The following UBE2E2 variants were observed in gnomAD, a reference collection of about 807,000 sequenced individuals.
UBE2E2 encodes the protein ubiquitin-conjugating enzyme E2 E2.
Under a neutral mutation model 24.7 loss-of-function variants are expected in UBE2E2, and 6 were observed. The observed-to-expected ratio is 0.24, with a 90% confidence interval of 0.13 to 0.48. The LOEUF is 0.48. Among genes scored for constraint, UBE2E2 ranks in the 20% least tolerant of loss-of-function variants. The pLI, the probability that UBE2E2 is intolerant of heterozygous loss-of-function variation, is 0.99. For missense variants in UBE2E2, 169 were observed against 245.0 expected (o/e 0.69, Z 2.07); for synonymous variants, 104 against 83.6 (o/e 1.24, Z -1.33).
chr3:23,283,447 T>A (rs1209884165), intron 3 of UBE2E2, among the ~76,000 whole-genome samples: 1 of 152,110 alleles, frequency 6.6e-6, no homozygotes, highest in Non-Finnish European at 1.5e-5. Flanking sequence ...AGGTCGGTGG[T>A]TCTCTGACCA....
intron 3 of UBE2E2, among the ~76,000 whole-genome samples, chr3:23,341,431 C>T (rs529222121): frequency 6.6e-6 from 1 of 152,202 alleles, no homozygotes; most frequent in East Asian, 1.9e-4. Flanking sequence ...CATTGTAGGT[C>T]TCATTTTGGA....
At position 23,325,524 on chromosome 3, in the gene UBE2E2, G is replaced by A. The variant is rs556527716; in HGVS notation, c.227+108212G>A. ...AGAAAACATTAGATATATTTAATGG[G>A]ATAGCATAAGTAATTTCCATTCTCA... On this transcript the variant is annotated intron_variant, in intron 3 of 5. Coordinates refer to ENST00000396703, the MANE Select transcript of UBE2E2 (RefSeq NM_152653.4). Among the ~76,000 whole-genome samples, 5 of 152,280 alleles carry A rather than the reference G, an allele frequency of 3.3e-5. No homozygotes were observed. The East Asian group carries it at 7.7e-4, about 24-fold the overall frequency.
intron 3 of UBE2E2, among the ~76,000 whole-genome samples, chr3:23,451,891 G>T (rs977439843): frequency 6.6e-6 from 1 of 152,130 alleles, no homozygotes; most frequent in South Asian, 2.1e-4. Context: ...GATGGATGTT[G>T]TTGCTTATCT....
At chr3:23,226,654 A>G (rs899237430) in intron 3 of UBE2E2, among the ~76,000 whole-genome samples, 1 of 152,212 alleles carries the variant, frequency 6.6e-6, no homozygotes, top group Non-Finnish European at 1.5e-5. Flanking sequence ...GAGCAGAAAC[A>G]TAAAAGGGGA....
chr3:23,504,611 C>CT (rs1694388064), intron 4 of UBE2E2, among the ~76,000 whole-genome samples: 1 of 152,022 alleles, frequency 6.6e-6, no homozygotes, highest in Non-Finnish European at 1.5e-5. Context: ...GATTTTAAGT[C>CT]TTTTTTACTG....
intron 5 of UBE2E2, among the ~76,000 whole-genome samples, chr3:23,588,041 A>G (rs1439347680): frequency 1.3e-5 from 2 of 152,230 alleles, no homozygotes; most frequent in Non-Finnish European, 2.9e-5. Context: ...TTCAGCAGAT[A>G]GGTTAAAAAG....
chr3:23,557,207 T>C (rs1213687818), intron 5 of UBE2E2, among the ~76,000 whole-genome samples: 3 of 152,154 alleles, frequency 2.0e-5, no homozygotes, highest in Non-Finnish European at 4.4e-5. Context: ...AAAGCAAAAA[T>C]TGTGAGGAGC....
Position 23,263,208 on chromosome 3 carries a change from A to G in UBE2E2, c.227+45896A>G, listed in dbSNP as rs147975956. Among the ~76,000 whole-genome samples the G allele has an allele frequency of 9.9e-3, 1,514 of 152,340 alleles. 31 individuals are homozygous for G. The highest frequency in any genetic ancestry group is 0.034 in the African/African-American group (1,423 of 41,560). On this transcript the variant is annotated intron_variant, in intron 3 of 5. Coordinates refer to ENST00000396703, the MANE Select transcript of UBE2E2 (RefSeq NM_152653.4). ...TGACTGCTCAACGGAATTTTGACAC[A>G]TACTTGAGTTAGGTAAGCAAAGAAC...
At chr3:23,300,644 G>A (rs1261549548) in intron 3 of UBE2E2, among the ~76,000 whole-genome samples, 7 of 152,286 alleles carry the variant, frequency 4.6e-5, no homozygotes, top group South Asian at 2.1e-4. Flanking sequence ...AGTTTCTGCC[G>A]AGAGATCAGC....
intron 3 of UBE2E2, among the ~76,000 whole-genome samples, chr3:23,343,049 T>C (rs915914673): frequency 5.3e-5 from 8 of 152,106 alleles, no homozygotes; most frequent in African/African-American, 1.7e-4. Flanking sequence ...AAACTTACCC[T>C]ATATTGGGTC....
intron 3 of UBE2E2, among the ~76,000 whole-genome samples, chr3:23,301,423 T>G (rs1699085565): frequency 6.6e-6 from 1 of 152,190 alleles, no homozygotes; most frequent in African/African-American, 2.4e-5. Flanking sequence ...TTATCTACCT[T>G]TGGTCTTTGA....
intron 4 of UBE2E2, among the ~76,000 whole-genome samples, chr3:23,512,616 A>AT (rs906515047): frequency 1.3e-5 from 2 of 152,120 alleles, no homozygotes; most frequent in African/African-American, 4.8e-5. Flanking sequence ...TTAAGGTTAA[A>AT]TAAGATTTTT....
chr3:23,447,541 A>G (rs1438224412), intron 3 of UBE2E2, among the ~76,000 whole-genome samples: 4 of 152,232 alleles, frequency 2.6e-5, no homozygotes, highest in African/African-American at 7.2e-5. Flanking sequence ...CACTACCTCA[A>G]CAATGCTCTT....
chr3:23,337,965 G>A (rs1293897447), intron 3 of UBE2E2, among the ~76,000 whole-genome samples: 4 of 152,140 alleles, frequency 2.6e-5, no homozygotes, highest in Admixed American at 6.6e-5. Context: ...AGGCTGTGGC[G>A]GCAACTTGAC....
intron 5 of UBE2E2, among the ~76,000 whole-genome samples, chr3:23,571,217 C>CACA (rs1395210437): frequency 6.7e-6 from 1 of 149,332 alleles, no homozygotes; most frequent in African/African-American, 2.5e-5. Context: ...CACTGCCCCT[C>CACA]ACACACAGCA....
chr3:23,413,232 G>C (rs1278077640), intron 3 of UBE2E2, among the ~76,000 whole-genome samples: 2 of 151,724 alleles, frequency 1.3e-5, no homozygotes, highest in African/African-American at 2.4e-5. Context: ...AGAAAAAAAA[G>C]TTAATTTAAA....
intron 5 of UBE2E2, among the ~76,000 whole-genome samples, chr3:23,580,997 C>G (rs959401728): frequency 3.3e-5 from 5 of 152,142 alleles, no homozygotes; most frequent in Non-Finnish European, 7.4e-5. Context: ...ATGTTAAACA[C>G]GTTTTGCATA....
intron 3 of UBE2E2, among the ~76,000 whole-genome samples, chr3:23,438,167 G>A (rs1452149113): frequency 6.6e-6 from 1 of 152,206 alleles, no homozygotes; most frequent in Non-Finnish European, 1.5e-5. Flanking sequence ...TGGGACTTCA[G>A]TGAGTAAAGC....
chr3:23,394,540 A>C (rs1052167767), intron 3 of UBE2E2, among the ~76,000 whole-genome samples: 9 of 152,198 alleles, frequency 5.9e-5, no homozygotes, highest in Non-Finnish European at 1.2e-4. Context: ...AAACTGAGGA[A>C]GACAAAATCT....
Sources: allele counts gnomAD v4.1 joint callset (sites outside exome capture counted in the v4.1 genomes callset), GRCh38; gene constraint gnomAD v4.1.1; transcripts MANE v1.5; gene names NCBI Gene and HGNC (gene_info 2026-07-23, HGNC 2026-07-21).